Variants in MMP2 observed in about 807,000 individuals in gnomAD.
The protein encoded by MMP2 is matrix metallopeptidase 2.
MMP2 carries 39 observed loss-of-function variants against 74.8 expected under a neutral mutation model. The observed-to-expected ratio is 0.52, with a 90% CI of 0.40 to 0.68. The LOEUF is 0.68. Ranked by LOEUF, MMP2 falls within the 30% of genes least tolerant of loss-of-function variation. The pLI is 0.00. For synonymous variants in MMP2, 367 were observed against 339.8 expected, an observed-to-expected ratio of 1.08 and a Z score of -0.88; for missense variants, 803 against 878.3, an observed-to-expected ratio of 0.91 and a Z score of 1.08.
intron 5 of MMP2, 140 bp downstream of exon 5, chr16:55,485,917 C>A: frequency 1.2e-6 from 1 of 829,304 alleles, no homozygotes; most frequent in Non-Finnish European, 2.0e-6. Flanking sequence ...GTCCTTCACT[C>A]AGTTCCCCCC....
chr16:55,492,893 G>A (rs975031917), intron 8 of MMP2, among the ~76,000 whole-genome samples: 1 of 152,134 alleles, frequency 6.6e-6, no homozygotes, highest in Non-Finnish European at 1.5e-5. Flanking sequence ...CCTCACCTGT[G>A]AAATGGTGCA....
chr16:55,503,465 T>G (rs1962720115), intron 12 of MMP2, among the ~76,000 whole-genome samples: 1 of 152,044 alleles, frequency 6.6e-6, no homozygotes, highest in Non-Finnish European at 1.5e-5. Context: ...GGGTCCAGTT[T>G]GGCTTTTTTT....
At chr16:55,497,553 A>T (rs1962560813) in intron 10 of MMP2, among the ~76,000 whole-genome samples, 1 of 152,270 alleles carries the variant, frequency 6.6e-6, no homozygotes, top group Non-Finnish European at 1.5e-5. Flanking sequence ...TGATATTTTG[A>T]CAGTCAAAAA....
At chr16:55,500,827 G>A (rs1040739052) in intron 11 of MMP2, among the ~76,000 whole-genome samples, 3 of 152,218 alleles carry the variant, frequency 2.0e-5, no homozygotes, top group Admixed American at 6.5e-5. Flanking sequence ...CATCTTTGCT[G>A]GAGAAGGAGA....
chr16:55,489,721 A>G lies in MMP2; in HGVS notation c.1077A>G (p.Lys359=). The change falls in exon 7 of 13, where the codon AAA becomes AAG. Residue 359 remains lysine (K), a synonymous_variant. Transcript: ENST00000219070. The part of the protein sequence containing the change: ...CVFPFTFLGN[K]YESCTSAGRS... The stretch of plus-strand genomic sequence containing the variant: ...TCCCCTTCACTTTCCTGGGCAACAA[A>G]TATGAGAGCTGCACCAGCGCCGGCC... The G allele has an allele frequency of 3.7e-6, 6 of 1,614,120 alleles. No homozygotes were observed. The highest frequency in any genetic ancestry group is 5.1e-6 in the Non-Finnish European group (6 of 1,180,016).
At chr16:55,483,903 A>G in intron 2 of MMP2, 113 bp from the exon 3 acceptor site, 1 of 1,123,344 alleles carries the variant, frequency 8.9e-7, no homozygotes, top group East Asian at 2.4e-5. Context: ...TTGTATGTTC[A>G]CATACACACA....
intron 4 of MMP2, 80 bp downstream of exon 4, chr16:55,485,507 G>A: frequency 6.2e-7 from 1 of 1,612,402 alleles, no homozygotes; most frequent in Non-Finnish European, 8.5e-7. Context: ...CAGAGAGGTG[G>A]GAGGGGAGGA....
At chr16:55,482,208 C>T (rs1962122219) in intron 1 of MMP2, among the ~76,000 whole-genome samples, 1 of 152,168 alleles carries the variant, frequency 6.6e-6, no homozygotes, top group African/African-American at 2.4e-5. Context: ...GCTCCCTGAA[C>T]CTCTGCAGGG....
intron 11 of MMP2, 74 bp from the exon 12 acceptor site, chr16:55,502,705 T>A (rs1962695231): frequency 1.4e-5 from 18 of 1,331,624 alleles, no homozygotes; most frequent in Non-Finnish European, 1.9e-5. Flanking sequence ...ATCAGCTGGG[T>A]GCTCCCATCC....
intron 11 of MMP2, among the ~76,000 whole-genome samples, chr16:55,499,901 G>T (rs1962623305): frequency 6.6e-6 from 1 of 151,916 alleles, no homozygotes; most frequent in Non-Finnish European, 1.5e-5. Context: ...GGCTGCCACT[G>T]CATCTGGGCC....
intron 11 of MMP2, 35 bp downstream of exon 11, chr16:55,498,483 T>C (rs768129832): frequency 2.5e-6 from 4 of 1,613,844 alleles, no homozygotes; most frequent in East Asian, 4.5e-5. Context: ...AGCAGCACAG[T>C]TGGCTGCGAG....
At chr16:55,504,529 A>C (rs1156657770) in intron 12 of MMP2, among the ~76,000 whole-genome samples, 1 of 152,190 alleles carries the variant, frequency 6.6e-6, no homozygotes, top group African/African-American at 2.4e-5. Flanking sequence ...AGGGAATAAA[A>C]GAGCTTATTT....
intron 4 of MMP2, 30 bp from the exon 5 acceptor site, chr16:55,485,574 C>A: frequency 6.2e-7 from 1 of 1,613,916 alleles, no homozygotes; most frequent in Non-Finnish European, 8.5e-7. Context: ...CTGGAGAAGT[C>A]CAACCTCCCC....
At chr16:55,487,541 G>C (rs1212172645) in intron 5 of MMP2, 12 of 152,346 alleles carry the variant, frequency 7.9e-5, no homozygotes, top group Non-Finnish European at 1.8e-4. Context: ...AGGGCCTCGA[G>C]TTCTGTGGTG....
At chr16:55,485,569 G>A in intron 4 of MMP2, 35 bp from the exon 5 acceptor site, 1 of 1,613,748 alleles carries the variant, frequency 6.2e-7, no homozygotes, top group Non-Finnish European at 8.5e-7. Flanking sequence ...AAGGCCTGGA[G>A]AAGTCCAACC....
In MMP2 at chr16:55,489,770, G is replaced by C; in HGVS notation, c.1126G>C (p.Ala376Pro). ...AGRSDGKMWCATTANYDDDRK... is the reference protein window; with the variant it reads ...AGRSDGKMWCPTTANYDDDRK... ...CCGCAGTGACGGAAAGATGTGGTGT[G>C]CGACCACAGCCAACTACGATGATGA... The change falls in exon 7 of 13, where the codon GCG becomes CCG. Residue 376 changes from alanine (A) to proline (P), a missense_variant. Coordinates refer to ENST00000219070, the MANE Select transcript of MMP2 (RefSeq NM_004530.6). 6.2e-7 allele frequency: 1 copy of C among 1,614,186 alleles called. No individual in the cohort carries two copies. The highest frequency in any genetic ancestry group is 8.5e-7 in the Non-Finnish European group (1 of 1,180,042).
intron 5 of MMP2, chr16:55,488,192 A>G: frequency 3.1e-6 from 1 of 324,616 alleles, no homozygotes; most frequent in South Asian, 3.2e-5. Context: ...TTCATGTCAT[A>G]CATCATTATT....
rs767893949 is a variant in MMP2 at position 55,485,723 on chromosome 16, T to C, written c.778T>C (p.Ser260Pro). Residue 260 changes from serine (S) to proline (P), a missense_variant, in exon 5 of 13, where the codon TCC (serine) becomes CCC (proline). By Grantham distance (74) the Ser-to-Pro change is moderately conservative. Transcript: ENST00000219070. ...CCGCAGCGATGGCTTCCTCTGGTGC[T>C]CCACCACCTACAACTTTGAGAAGGA... Reference protein sequence around the residue: ...TGRSDGFLWCSTTYNFEKDGK... With the variant: ...TGRSDGFLWCPTTYNFEKDGK... The C allele has an allele frequency of 1.2e-6, 2 of 1,614,010 alleles. No individual in the cohort carries two copies. Among genetic ancestry groups the C allele is most frequent in the African/African-American group, 2.7e-5 (2 of 74,910 alleles).
chr16:55,481,839 G>A lies in MMP2; in HGVS notation c.154-1070G>A, dbSNP rs762690802. ...AAACTGGGAAATTTCCTATCTCAGG[G>A]TTAAAAGAGAGGTAATCTTAGGTGC... On this transcript the variant is annotated intron_variant, in intron 1 of 12. Transcript: ENST00000219070. 8 of 761,974 alleles carry A rather than the reference G, an allele frequency of 1.0e-5. No individual in the cohort carries two copies. In the East Asian group the frequency reaches 2.0e-4, roughly 19 times the overall value. The allele number at this position is 761,974 out of a possible 1,614,324, so 47.2% of individuals were successfully genotyped here.
Sources: gnomAD v4.1 joint callset for allele counts (sites outside exome capture counted in the v4.1 genomes callset) on GRCh38, gnomAD v4.1.1 for gene constraint, MANE v1.5 for transcripts, NCBI Gene and HGNC (gene_info 2026-07-23, HGNC 2026-07-21) for gene names.